Variants in DPT observed in about 807,000 individuals in gnomAD.
DPT encodes dermatopontin.
DPT carries 21 observed loss-of-function variants against 31.2 expected under a neutral mutation model. The ratio of observed to expected loss-of-function variants is 0.67; its 90% CI spans 0.48 to 0.97. DPT has a LOEUF of 0.97. Among genes scored for constraint, DPT ranks in the 50% least tolerant of loss-of-function variants. The pLI is 0.00. For synonymous variants in DPT, 91 were observed against 86.9 expected, an observed-to-expected ratio of 1.05 and a Z score of -0.26; for missense variants, 262 against 258.8, an observed-to-expected ratio of 1.01 and a Z score of -0.08.
chr1:168,712,194 T>C (rs1649882545), intron 2 of DPT, among the ~76,000 whole-genome samples: 1 of 152,100 alleles, frequency 6.6e-6, no homozygotes, highest in Non-Finnish European at 1.5e-5. Context: ...ACACAGGTGG[T>C]AAAATGCATA....
intron 2 of DPT, among the ~76,000 whole-genome samples, chr1:168,706,827 C>G (rs1394775696): frequency 6.6e-6 from 1 of 152,206 alleles, no homozygotes; most frequent in Non-Finnish European, 1.5e-5. Context: ...GAGTTTCTAA[C>G]TCACTGTCCA....
chr1:168,715,089 C>T (rs1255335235), intron 1 of DPT, among the ~76,000 whole-genome samples: 1 of 152,168 alleles, frequency 6.6e-6, no homozygotes, highest in South Asian at 2.1e-4. Flanking sequence ...ATGCCTCAAA[C>T]CCCCTCTAAA....
In DPT at chr1:168,699,586, CTT is replaced by C. The variant is rs75395550; in HGVS notation, c.539+1429_539+1430del. On this transcript the variant is annotated intron_variant, in intron 3 of 3. Coordinates refer to ENST00000367817, the MANE Select transcript of DPT (RefSeq NM_001937.5). ...GTGCCTTTCCAGAGCTACTTAATGTCTTTTTTTTTTTTTAAAAAAAAAAAGAA... is the reference window on the plus strand; with the variant it reads ...GTGCCTTTCCAGAGCTACTTAATGTCTTTTTTTTTTTAAAAAAAAAAAGAA... 6.7e-4 allele frequency among the ~76,000 whole-genome samples: 87 copies of C among 130,368 alleles called. 2 individuals are homozygous for C. Among genetic ancestry groups the C allele is most frequent in the African/African-American group, 2.1e-3 (73 of 34,052 alleles). 85.5% of individuals were successfully genotyped at this position (130,368 alleles called of 152,430 possible).
rs567576714 is a variant in DPT, at chr1:168,725,336, C to T, written c.305+3534G>A. Among the ~76,000 whole-genome samples, 3 of 150,310 alleles carry T rather than the reference C, an allele frequency of 2.0e-5. 1 individual carries two copies. Among genetic ancestry groups the T allele is most frequent in the South Asian group, 2.1e-4 (1 of 4,730 alleles). The stretch of plus-strand genomic sequence containing the variant: ...CCCTCCCTCCCTTCCTTCTCTCTCT[C>T]TCTTTCTTTCTTTCTTCTCTTTCTT... On this transcript the variant is annotated intron_variant, in intron 1 of 3. Coordinates refer to ENST00000367817, the MANE Select transcript of DPT (RefSeq NM_001937.5).
chr1:168,721,631 A>G (rs755456970), intron 1 of DPT, among the ~76,000 whole-genome samples: 2 of 152,130 alleles, frequency 1.3e-5, no homozygotes, highest in East Asian at 3.9e-4. Context: ...TCCTTCAAAG[A>G]TCCTTCCTTT....
intron 2 of DPT, among the ~76,000 whole-genome samples, chr1:168,708,395 T>G (rs1649769008): frequency 6.6e-6 from 1 of 152,166 alleles, no homozygotes; most frequent in Non-Finnish European, 1.5e-5. Flanking sequence ...ATGAGTGCTA[T>G]GTACATCATG....
chr1:168,726,494 C>T (rs996397914), intron 1 of DPT, among the ~76,000 whole-genome samples: 6 of 152,228 alleles, frequency 3.9e-5, no homozygotes, highest in African/African-American at 1.4e-4. Flanking sequence ...ATCATGCAGC[C>T]TGACTGCTCA....
intron 1 of DPT, among the ~76,000 whole-genome samples, chr1:168,719,994 C>T (rs1251009067): frequency 6.6e-6 from 1 of 152,126 alleles, no homozygotes; most frequent in African/African-American, 2.4e-5. Context: ...ATCTCAGGGT[C>T]ATCACCCTGA....
intron 2 of DPT, among the ~76,000 whole-genome samples, chr1:168,703,187 CT>C (rs942003559): frequency 6.6e-6 from 1 of 151,858 alleles, no homozygotes; most frequent in East Asian, 1.9e-4. Context: ...TGTGTTTTTT[CT>C]TTTTTTTGCT....
rs753650680 is a variant in DPT at position 168,714,189 on chromosome 1, G to A, written c.431+32C>T. 8.7e-6 allele frequency: 14 copies of A among 1,613,768 alleles called. No individual in the cohort carries two copies. The East Asian group carries it at 2.9e-4, about 33-fold the overall frequency. Reference sequence around the variant, plus strand: ...CCTAGGTGCCTCTCCCACCCCAGGAGTCATGAGGGTTTGGTCGGCTGCCAG... The same window carrying A: ...CCTAGGTGCCTCTCCCACCCCAGGAATCATGAGGGTTTGGTCGGCTGCCAG... On this transcript the variant is annotated intron_variant, in intron 2 of 3. Transcript: ENST00000367817.
chr1:168,719,998 A>G (rs1572631877), intron 1 of DPT, among the ~76,000 whole-genome samples: 1 of 152,258 alleles, frequency 6.6e-6, no homozygotes, highest in African/African-American at 2.4e-5. Context: ...CAGGGTCATC[A>G]CCCTGAAAGC....
chr1:168,714,326 T>C lies in DPT; in HGVS notation c.326A>G (p.Asn109Ser). Reference sequence around the variant, plus strand: ...GCTCTGGAATCCTGCCACCAGCCCATTGTTGGAGCACGTCTGGTACCTGAA... The same window carrying C: ...GCTCTGGAATCCTGCCACCAGCCCACTGTTGGAGCACGTCTGGTACCTGAA... The part of the protein sequence containing the change: ...GMEWYQTCSN[N>S]GLVAGFQSRY... Residue 109 changes from asparagine to serine, a missense_variant, in exon 2 of 4, where the codon AAT (asparagine) becomes AGT (serine). Physicochemically the swap from Asn to Ser is conservative, Grantham distance 46. Coordinates refer to ENST00000367817, the MANE Select transcript of DPT (RefSeq NM_001937.5). 2.5e-6 allele frequency: 4 copies of C among 1,614,038 alleles called. No individual in the cohort carries two copies. Among genetic ancestry groups the C allele is most frequent in the Non-Finnish European group, 3.4e-6 (4 of 1,179,992 alleles).
In DPT at chr1:168,723,184, A is replaced by G. The variant is rs529487494; in HGVS notation, c.305+5686T>C. On this transcript the variant is annotated intron_variant, in intron 1 of 3. Transcript: ENST00000367817. ...GATTTGATATCTTTTTTAGGTCAGC[A>G]CTCACTATGGCTTTATCCAGGAACA... is the stretch of plus-strand genomic sequence containing the variant. Among the ~76,000 whole-genome samples the G allele has an allele frequency of 8.5e-5, 13 of 152,302 alleles. No homozygotes were observed. In the South Asian group the frequency reaches 2.7e-3, roughly 32 times the overall value.
chr1:168,708,316 G>A (rs1649767105), intron 2 of DPT, among the ~76,000 whole-genome samples: 1 of 152,090 alleles, frequency 6.6e-6, no homozygotes, highest in South Asian at 2.1e-4. Flanking sequence ...CAATAATTAT[G>A]GAAACCATTC....
At chr1:168,707,333 T>C (rs918955640) in intron 2 of DPT, among the ~76,000 whole-genome samples, 1 of 152,206 alleles carries the variant, frequency 6.6e-6, no homozygotes, top group African/African-American at 2.4e-5. Context: ...ATTCATTGAC[T>C]GCTTAAGTGA....
At chr1:168,724,462 G>T (rs1650191982) in intron 1 of DPT, among the ~76,000 whole-genome samples, 1 of 152,144 alleles carries the variant, frequency 6.6e-6, no homozygotes, top group Non-Finnish European at 1.5e-5. Flanking sequence ...ACCAGCACTT[G>T]TCTAGGCACT....
intron 1 of DPT, among the ~76,000 whole-genome samples, chr1:168,725,262 TTCC>T (rs370072195): frequency 7.3e-5 from 11 of 151,174 alleles, no homozygotes; most frequent in African/African-American, 2.4e-4. Flanking sequence ...TCTCTTTCCC[TTCC>T]TTTCTTCCTT....
chr1:168,704,594 GGT>G (rs377468804), intron 2 of DPT, among the ~76,000 whole-genome samples: 2,168 of 150,740 alleles, frequency 0.014, 52 homozygotes, highest in African/African-American at 0.05. Context: ...GTGTGTGTGG[GGT>G]GTGTGTGTGT....
intron 2 of DPT, among the ~76,000 whole-genome samples, chr1:168,707,709 G>C (rs56324303): frequency 0.06 from 9,073 of 152,258 alleles, 405 homozygotes; most frequent in Non-Finnish European, 0.094. Context: ...CTGTTCTCAT[G>C]ATCGTGAGTG....
Sources: gnomAD v4.1 joint callset for allele counts (sites outside exome capture counted in the v4.1 genomes callset) on GRCh38, gnomAD v4.1.1 for gene constraint, MANE v1.5 for transcripts, NCBI Gene and HGNC (gene_info 2026-07-23, HGNC 2026-07-21) for gene names.